Variants in KLF8 observed in about 807,000 individuals in gnomAD.
KLF8 encodes the protein KLF transcription factor 8.
A neutral mutation model predicts 18.2 loss-of-function variants in KLF8; 10 were observed. The observed-to-expected ratio is 0.55, with a 90% CI of 0.34 to 0.93. The LOEUF (loss-of-function observed/expected upper bound fraction) is 0.93. Ranked by LOEUF, KLF8 falls within the 40% of genes least tolerant of loss-of-function variation. The probability of loss-of-function intolerance (pLI) is 0.02; values close to 1 mark genes in which losing one functional copy is unlikely to be tolerated. For synonymous variants in KLF8, 109 were observed against 97.3 expected (o/e 1.12, Z -0.71); for missense variants, 264 against 277.9 (o/e 0.95, Z 0.36).
chrX:56,158,026 TA>T, the KLF8 span, among the ~76,000 whole-genome samples: 2 of 112,286 alleles, frequency 1.8e-5, no homozygotes, highest in Non-Finnish European at 3.8e-5. Context: ...GTTTTGGGTC[TA>T]ACATTTAAGT....
the KLF8 span, among the ~76,000 whole-genome samples, chrX:55,971,998 TTC>T: frequency 2.7e-5 from 3 of 110,532 alleles, no homozygotes; most frequent in Admixed American, 2.9e-4. Flanking sequence ...AACCATTTGG[TTC>T]TCCATAAAAT....
chrX:56,185,772 C>G, the KLF8 span, among the ~76,000 whole-genome samples: 2 of 111,597 alleles, frequency 1.8e-5, no homozygotes, highest in African/African-American at 3.3e-5. Flanking sequence ...TCCAGCCAAA[C>G]TAAGCTTCAT....
At chrX:56,143,004 C>T in the KLF8 span, among the ~76,000 whole-genome samples, 1 of 111,955 alleles carries the variant, frequency 8.9e-6, no homozygotes, top group Non-Finnish European at 1.9e-5. Context: ...ATTGTCACTC[C>T]TCTCTTTGTA....
the KLF8 span, among the ~76,000 whole-genome samples, chrX:55,980,928 C>T: frequency 8.9e-6 from 1 of 112,508 alleles, no homozygotes; most frequent in Admixed American, 9.4e-5. Context: ...CCCGGTGGCC[C>T]ACGCCTGTAA....
the KLF8 span, among the ~76,000 whole-genome samples, chrX:56,160,187 A>C: frequency 8.9e-6 from 1 of 111,865 alleles, no homozygotes; most frequent in Non-Finnish European, 1.9e-5. Flanking sequence ...GTTTCCGTGT[A>C]GTTGAGCAGT....
At chrX:56,151,258 G>A in the KLF8 span, among the ~76,000 whole-genome samples, 2 of 111,349 alleles carry the variant, frequency 1.8e-5, no homozygotes, top group Non-Finnish European at 3.8e-5. Flanking sequence ...AAGTAAGGTA[G>A]GGATGTAGTC....
chrX:56,249,472 G>A (rs2080371644), intron 1 of KLF8, among the ~76,000 whole-genome samples: 1 of 112,020 alleles, frequency 8.9e-6, no homozygotes, highest in African/African-American at 3.2e-5. Context: ...AATATGTAAG[G>A]AGGAAGCTTT....
chrX:56,171,200 T>C, the KLF8 span, among the ~76,000 whole-genome samples: 1 of 111,447 alleles, frequency 9.0e-6, no homozygotes, highest in Non-Finnish European at 1.9e-5. Flanking sequence ...CAAAAACTAA[T>C]AACTACAATA....
chrX:56,258,503 C>T lies in KLF8; in HGVS notation c.82-6677C>T, dbSNP rs747634377. On this transcript the variant is annotated intron_variant, in intron 2 of 5. Transcript: ENST00000468660. ...TGTTAGCCAGGATGGTCTTGATCTCCTGACCTCGTGATCTGCCAGCCTCGG... is the reference window on the plus strand; with the variant it reads ...TGTTAGCCAGGATGGTCTTGATCTCTTGACCTCGTGATCTGCCAGCCTCGG... 1.3e-4 allele frequency among the ~76,000 whole-genome samples: 15 copies of T among 112,190 alleles called. No individual in the cohort carries two copies. The South Asian group carries it at 4.9e-3, about 37-fold the overall frequency.
chrX:56,144,906 C>T, the KLF8 span, among the ~76,000 whole-genome samples: 1 of 107,885 alleles, frequency 9.3e-6, no homozygotes, highest in South Asian at 4.3e-4. Context: ...GATTCTCCTG[C>T]CTTAGCCTCC....
chrX:56,058,274 A>G, the KLF8 span, among the ~76,000 whole-genome samples: 1 of 36,937 alleles, frequency 2.7e-5, no homozygotes, highest in African/African-American at 1.1e-4. Context: ...ATATACATAT[A>G]TATACATATA....
the KLF8 span, among the ~76,000 whole-genome samples, chrX:55,987,673 G>A: frequency 8.9e-6 from 1 of 112,199 alleles, no homozygotes; most frequent in Non-Finnish European, 1.9e-5. Context: ...ATGTGCATGT[G>A]TCTTTATAGC....
chrX:55,962,455 C>A, the KLF8 span: 1 of 233,439 alleles, frequency 4.3e-6, no homozygotes, highest in Admixed American at 5.2e-5. Context: ...GCTACCTTGC[C>A]CATGCCTTTC....
At chrX:56,099,476 A>G in the KLF8 span, among the ~76,000 whole-genome samples, 4 of 111,828 alleles carry the variant, frequency 3.6e-5, no homozygotes, top group Non-Finnish European at 7.5e-5. Context: ...AGAGTCAAAT[A>G]TCTCCCAGTT....
the KLF8 span, among the ~76,000 whole-genome samples, chrX:56,027,518 T>C: frequency 8.9e-6 from 1 of 112,643 alleles, no homozygotes; most frequent in Non-Finnish European, 1.9e-5. Flanking sequence ...TATAAATGTT[T>C]ACAGTCTTAC....
At chrX:56,183,020 T>G in the KLF8 span, among the ~76,000 whole-genome samples, 1 of 112,638 alleles carries the variant, frequency 8.9e-6, no homozygotes, top group Non-Finnish European at 1.9e-5. Context: ...CGTTTAAGTC[T>G]GAAGGAATTT....
At chrX:56,148,580 T>G in the KLF8 span, among the ~76,000 whole-genome samples, 2 of 111,941 alleles carry the variant, frequency 1.8e-5, no homozygotes, top group African/African-American at 3.2e-5. Context: ...TGCTAATAAT[T>G]AAAGACATAC....
the KLF8 span, among the ~76,000 whole-genome samples, chrX:56,179,272 T>C: frequency 2.7e-5 from 3 of 112,078 alleles, no homozygotes; most frequent in Non-Finnish European, 5.6e-5. Flanking sequence ...TGGAGTTCAC[T>C]CATGATTTAG....
At chrX:56,082,048 T>G in the KLF8 span, among the ~76,000 whole-genome samples, 2 of 111,704 alleles carry the variant, frequency 1.8e-5, no homozygotes, top group African/African-American at 6.5e-5. Context: ...CTTTAAATGT[T>G]TACTAGAATT....
Sources: gnomAD v4.1 joint callset for allele counts (sites outside exome capture counted in the v4.1 genomes callset) on GRCh38, gnomAD v4.1.1 for gene constraint, MANE v1.5 for transcripts, NCBI Gene and HGNC (gene_info 2026-07-23, HGNC 2026-07-21) for gene names.